The following FHOD3 variants were observed in gnomAD, a reference collection of about 807,000 sequenced individuals.
The protein encoded by FHOD3 is formin homology 2 domain containing 3, also known as FH1/FH2 domain-containing protein 3.
Under a neutral mutation model 173.0 loss-of-function variants are expected in FHOD3, and 90 were observed. The ratio of observed to expected loss-of-function variants is 0.52; its 90% CI spans 0.44 to 0.62. The LOEUF is 0.62. Ranked by LOEUF, FHOD3 falls within the 20% of genes least tolerant of loss-of-function variation. The pLI is 0.00. For missense variants in FHOD3, 1,945 were observed against 2,034.7 expected, an observed-to-expected ratio of 0.96 and a Z score of 0.85; for synonymous variants, 828 against 823.0, an observed-to-expected ratio of 1.01 and a Z score of -0.10.
intron 6 of FHOD3, among the ~76,000 whole-genome samples, chr18:36,589,412 T>G (rs553617217): frequency 6.6e-6 from 1 of 152,214 alleles, no homozygotes; most frequent in East Asian, 1.9e-4. Flanking sequence ...AAAGTGAGGT[T>G]GTTTGTGTGA....
intron 28 of FHOD3, among the ~76,000 whole-genome samples, chr18:36,775,377 C>T (rs2043581700): frequency 6.6e-6 from 1 of 152,216 alleles, no homozygotes; most frequent in Non-Finnish European, 1.5e-5. Flanking sequence ...TGGTCAGGAA[C>T]TGTCCTGCCA....
rs2046434225 is a variant in FHOD3 at position 36,357,831 on chromosome 18, GTGT to G, written c.272+2190_272+2192del. On this transcript the variant is annotated intron_variant, in intron 2 of 28. Coordinates refer to ENST00000590592, the MANE Select transcript of FHOD3 (RefSeq NM_001281740.3). The stretch of plus-strand genomic sequence containing the variant: ...GTCAGCTTGAAAAATGTCTCTAGTG[GTGT>G]TGTGCTTGAGGACCTTGTCCTCGTT... Among the ~76,000 whole-genome samples the G allele has an allele frequency of 2.0e-5, 3 of 152,108 alleles. No homozygotes were observed. The South Asian group carries it at 6.2e-4, about 32-fold the overall frequency.
intron 3 of FHOD3, among the ~76,000 whole-genome samples, chr18:36,415,635 A>G (rs2049598341): frequency 6.6e-6 from 1 of 152,238 alleles, no homozygotes; most frequent in Non-Finnish European, 1.5e-5. Context: ...GCCAGGCTGC[A>G]GTAATCTATA....
In FHOD3 at chr18:36,312,697, A is replaced by G. The variant is rs985518500; in HGVS notation, c.165+14697A>G. On this transcript the variant is annotated intron_variant, in intron 1 of 28. Coordinates refer to ENST00000590592, the MANE Select transcript of FHOD3 (RefSeq NM_001281740.3). Reference sequence around the variant, plus strand: ...CATCCATGGCATATGGAAAGTGCTCAATAAATATTTATTGAATGAATGGAA... The same window carrying G: ...CATCCATGGCATATGGAAAGTGCTCGATAAATATTTATTGAATGAATGGAA... 1.3e-4 allele frequency among the ~76,000 whole-genome samples: 20 copies of G among 152,342 alleles called. No individual in the cohort carries two copies. In the Middle Eastern group the frequency reaches 0.01, roughly 78 times the overall value.
Position 36,747,086 on chromosome 18 carries a change from G to T in FHOD3, c.4183G>T (p.Ala1395Ser). 1 of 1,613,514 alleles carries T rather than the reference G, an allele frequency of 6.2e-7. No individual in the cohort carries two copies. The highest frequency in any genetic ancestry group is 8.5e-7 in the Non-Finnish European group (1 of 1,179,864). The change falls in exon 24 of 29, where the codon GCA (alanine) becomes TCA (serine). Residue 1395 changes from alanine to serine, a missense_variant. Around this residue, in one of 5 missense-constraint regions of FHOD3, gnomAD observed 354 missense variants for 359.9 expected, o/e 0.98. Coordinates refer to ENST00000590592, the MANE Select transcript of FHOD3 (RefSeq NM_001281740.3). ...QRMSEFLKDC[A>S]ERIIILKIVH... The stretch of plus-strand genomic sequence containing the variant: ...GATGTCAGAGTTCCTGAAAGACTGT[G>T]CAGAGCGAATTATAATTTTAAAGAT...
At position 36,437,682 on chromosome 18, in the gene FHOD3, T is replaced by TTTTTTTTTTTTTTTTTTTA. The variant is rs71168224; in HGVS notation, c.338-64250_338-64249insTTTTTTTTTTTTTTTTTTA. The stretch of plus-strand genomic sequence containing the variant: ...CTTTCTTTCTTTTTTTTTTTTTTTT[T>TTTTTTTTTTTTTTTTTTTA]AAGACAGAGTCTTGCTCTGTCGCCA... On this transcript the variant is annotated intron_variant, in intron 3 of 28. Coordinates refer to ENST00000590592, the MANE Select transcript of FHOD3 (RefSeq NM_001281740.3). Among the ~76,000 whole-genome samples the TTTTTTTTTTTTTTTTTTTA allele has an allele frequency of 9.0e-4, 117 of 129,558 alleles. 2 individuals carry two copies. Among genetic ancestry groups the TTTTTTTTTTTTTTTTTTTA allele is most frequent in the Non-Finnish European group, 1.4e-3 (82 of 60,546 alleles). The allele number at this position is 129,558 out of a possible 152,430, so 85.0% of individuals were successfully genotyped here.
chr18:36,698,850 G>T (rs978500957), intron 17 of FHOD3, among the ~76,000 whole-genome samples: 1 of 152,198 alleles, frequency 6.6e-6, no homozygotes, highest in South Asian at 2.1e-4. Context: ...TTCCCACAGG[G>T]TGATGTGAAT....
At chr18:36,763,692 G>A (rs2043021426) in intron 27 of FHOD3, among the ~76,000 whole-genome samples, 1 of 150,058 alleles carries the variant, frequency 6.7e-6, no homozygotes, top group East Asian at 1.9e-4. Context: ...ATTTCTGTGT[G>A]TATATATATA....
At chr18:36,567,414 A>G (rs1404479140) in intron 5 of FHOD3, among the ~76,000 whole-genome samples, 1 of 152,204 alleles carries the variant, frequency 6.6e-6, no homozygotes, top group Non-Finnish European at 1.5e-5. Flanking sequence ...CACCTTCCAC[A>G]TCGCTGTTAG....
At chr18:36,693,791 G>A (rs1156296789) in intron 17 of FHOD3, among the ~76,000 whole-genome samples, 4 of 152,172 alleles carry the variant, frequency 2.6e-5, no homozygotes, top group African/African-American at 4.8e-5. Flanking sequence ...GTTCTTACCC[G>A]AGGAACTGTT....
chr18:36,388,857 A>G (rs2048158039), intron 3 of FHOD3, among the ~76,000 whole-genome samples: 1 of 152,066 alleles, frequency 6.6e-6, no homozygotes, highest in Non-Finnish European at 1.5e-5. Context: ...TAAATGTGGT[A>G]TTTGCCATGG....
chr18:36,412,765 A>G (rs967235836), intron 3 of FHOD3, among the ~76,000 whole-genome samples: 4 of 152,262 alleles, frequency 2.6e-5, no homozygotes, highest in African/African-American at 9.6e-5. Context: ...TGTTAGGTAT[A>G]GAAGTCTAAT....
At chr18:36,695,221 G>A (rs1015769704) in intron 17 of FHOD3, among the ~76,000 whole-genome samples, 24 of 151,884 alleles carry the variant, frequency 1.6e-4, no homozygotes, top group South Asian at 4.2e-4. Flanking sequence ...GCGTGGTGGC[G>A]CATGCCTGTA....
chr18:36,330,565 A>C (rs2044935499), intron 1 of FHOD3, among the ~76,000 whole-genome samples: 1 of 146,592 alleles, frequency 6.8e-6, no homozygotes, highest in South Asian at 2.1e-4. Flanking sequence ...TGCAGGCTGA[A>C]GGCAGGGGAC....
At chr18:36,776,937 C>G (rs1452181544) in intron 28 of FHOD3, among the ~76,000 whole-genome samples, 1 of 152,234 alleles carries the variant, frequency 6.6e-6, no homozygotes, top group African/African-American at 2.4e-5. Context: ...TGTAAGGTGA[C>G]CGGGCCCTTA....
chr18:36,659,457 A>C (rs1333898852), intron 14 of FHOD3, among the ~76,000 whole-genome samples: 1 of 152,168 alleles, frequency 6.6e-6, no homozygotes, highest in Admixed American at 6.5e-5. Context: ...TAGTCCTGAA[A>C]AGGTCACCAT....
chr18:36,659,117 A>G (rs2036610849), intron 14 of FHOD3, among the ~76,000 whole-genome samples: 2 of 152,318 alleles, frequency 1.3e-5, no homozygotes, highest in Non-Finnish European at 1.5e-5. Flanking sequence ...TTCTATGTGT[A>G]TTCTGAAGTA....
chr18:36,451,751 G>A (rs1199723952), intron 3 of FHOD3, among the ~76,000 whole-genome samples: 5 of 152,212 alleles, frequency 3.3e-5, no homozygotes, highest in Non-Finnish European at 7.3e-5. Context: ...GGGAGGGAGG[G>A]AAGCAGGACC....
At chr18:36,650,794 G>A (rs1200039178) in intron 11 of FHOD3, among the ~76,000 whole-genome samples, 4 of 152,140 alleles carry the variant, frequency 2.6e-5, no homozygotes, top group Admixed American at 6.5e-5. Flanking sequence ...TGGAAAAGGC[G>A]GCCTTCAAAG....
Sources: gnomAD v4.1 joint callset for allele counts (sites outside exome capture counted in the v4.1 genomes callset) on GRCh38, gnomAD v4.1.1 for gene constraint, gnomAD v4.1.1 regional missense constraint, MANE v1.5 for transcripts, NCBI Gene and HGNC (gene_info 2026-07-23, HGNC 2026-07-21) for gene names.